Variants in CRIM1 observed in about 807,000 individuals in gnomAD.
The protein encoded by CRIM1 is cysteine-rich motor neuron 1 protein.
In CRIM1, 32 loss-of-function variants were observed where a neutral mutation model predicts 116.4. The observed-to-expected ratio is 0.27, with a 90% confidence interval of 0.21 to 0.37. CRIM1 has a LOEUF of 0.37. Among genes scored for constraint, CRIM1 ranks in the 10% least tolerant of loss-of-function variants. The pLI is 1.00. For synonymous variants in CRIM1, 590 were observed against 509.2 expected (o/e 1.16, Z -2.13); for missense variants, 1,331 against 1,354.8 (o/e 0.98, Z 0.28).
chr2:36,405,275 T>C (rs1251726369), intron 2 of CRIM1, among the ~76,000 whole-genome samples: 1 of 152,184 alleles, frequency 6.6e-6, no homozygotes, highest in Non-Finnish European at 1.5e-5. Flanking sequence ...GCCTTTGAAA[T>C]AGTGCAACAG....
rs749222285 is a variant in CRIM1 at position 36,517,486 on chromosome 2, C to T, written c.2150C>T (p.Pro717Leu). The T allele has an allele frequency of 5.0e-6, 8 of 1,614,166 alleles. No homozygotes were observed. Among genetic ancestry groups the T allele is most frequent in the East Asian group, 2.2e-5 (1 of 44,882 alleles). The change falls in exon 12 of 17, where the codon CCG becomes CTG. Residue 717 changes from proline to leucine, a missense_variant. Pro to Leu is a moderately conservative substitution (Grantham distance 98, BLOSUM62 -3). Transcript: ENST00000280527. The stretch of plus-strand genomic sequence containing the variant: ...CTGTGTGAGACAGAGGTGTGCCCAC[C>T]GCTGCTCTGCCAGAACCCCTCACGC... ...RVLCETEVCP[P>L]LLCQNPSRTQ...
intron 2 of CRIM1, among the ~76,000 whole-genome samples, chr2:36,432,332 AATTC>A: frequency 6.6e-6 from 1 of 152,290 alleles, no homozygotes; most frequent in East Asian, 1.9e-4. Flanking sequence ...TAAAAAAATA[AATTC>A]ATTGTTACAT....
At chr2:36,449,761 C>T (rs1438172235) in intron 4 of CRIM1, among the ~76,000 whole-genome samples, 3 of 151,972 alleles carry the variant, frequency 2.0e-5, no homozygotes, top group Non-Finnish European at 2.9e-5. Flanking sequence ...TAGGAAATTT[C>T]AGAGCTCAGA....
intron 8 of CRIM1, among the ~76,000 whole-genome samples, chr2:36,505,375 T>C (rs974431983): frequency 7.4e-5 from 11 of 149,604 alleles, no homozygotes; most frequent in African/African-American, 2.7e-4. Flanking sequence ...GTTCCTACCA[T>C]ATATTTCTGG....
Position 36,543,688 on chromosome 2 carries a change from ATTT to A in CRIM1, c.2624-676_2624-674del, listed in dbSNP as rs869081095. On this transcript the variant is annotated intron_variant, in intron 14 of 16. Transcript: ENST00000280527. Reference sequence around the variant, plus strand: ...TTTGTAGGAGCTGAGAAAAGTTCTGATTTTTTTTTTTTTTAAAAAGACCTGATA... The same window carrying A: ...TTTGTAGGAGCTGAGAAAAGTTCTGATTTTTTTTTTTAAAAAGACCTGATA... Among the ~76,000 whole-genome samples, 818 of 131,216 alleles carry A rather than the reference ATTT, an allele frequency of 6.2e-3. 11 individuals are homozygous for A. Among genetic ancestry groups the A allele is most frequent in the African/African-American group, 0.022 (771 of 34,596 alleles). 86.1% of individuals were successfully genotyped at this position (131,216 alleles called of 152,430 possible). A position where few individuals can be genotyped will look rare whatever the true frequency, so the allele number is the denominator to read the frequency against.
intron 7 of CRIM1, among the ~76,000 whole-genome samples, chr2:36,493,958 A>G (rs1054785206): frequency 8.5e-5 from 13 of 152,162 alleles, no homozygotes; most frequent in Admixed American, 3.3e-4. Context: ...CTGATCTACA[A>G]ACTTTATACC....
intron 1 of CRIM1, among the ~76,000 whole-genome samples, chr2:36,391,708 T>G (rs1259925782): frequency 6.6e-6 from 1 of 152,138 alleles, no homozygotes; most frequent in Non-Finnish European, 1.5e-5. Flanking sequence ...GAAGCCCTTT[T>G]TGGGTGGTAA....
At chr2:36,385,973 T>G (rs895285420) in intron 1 of CRIM1, among the ~76,000 whole-genome samples, 1 of 152,222 alleles carries the variant, frequency 6.6e-6, no homozygotes, top group Non-Finnish European at 1.5e-5. Context: ...CCTAGTATAA[T>G]GAAAAATGTA....
chr2:36,359,951 C>A (rs965176064), intron 1 of CRIM1, among the ~76,000 whole-genome samples: 2 of 152,112 alleles, frequency 1.3e-5, no homozygotes, highest in Non-Finnish European at 2.9e-5. Context: ...CTGCCTGCCT[C>A]CAGGAAAATC....
chr2:36,381,830 C>A (rs1395872338), intron 1 of CRIM1, among the ~76,000 whole-genome samples: 1 of 152,240 alleles, frequency 6.6e-6, no homozygotes, highest in Non-Finnish European at 1.5e-5. Flanking sequence ...GTAAAGCACA[C>A]CCCATTTGGA....
rs938946032 is a variant in CRIM1, at chr2:36,452,913, C to T, written c.869+10178C>T. Among the ~76,000 whole-genome samples the T allele has an allele frequency of 7.2e-5, 11 of 152,128 alleles. No homozygotes were observed. The East Asian group carries it at 1.5e-3, about 21-fold the overall frequency. ...GTAAAGTTGAAAGCGGAATCCACAG[C>T]GTGATAATATTGAAACTCAGAGGTC... On this transcript the variant is annotated intron_variant, in intron 4 of 16. Coordinates refer to ENST00000280527, the MANE Select transcript of CRIM1 (RefSeq NM_016441.3).
At chr2:36,540,924 T>C (rs963378776) in intron 14 of CRIM1, among the ~76,000 whole-genome samples, 1 of 152,236 alleles carries the variant, frequency 6.6e-6, no homozygotes, top group Non-Finnish European at 1.5e-5. Flanking sequence ...TCCTTGTTCA[T>C]CATTAGAGAT....
At chr2:36,477,124 C>G (rs186751295) in intron 6 of CRIM1, 53 bp downstream of exon 6, 8 of 1,387,616 alleles carry the variant, frequency 5.8e-6, no homozygotes, top group Admixed American at 5.0e-5. Flanking sequence ...GTATAGAGTT[C>G]TAAAATCAAA....
intron 4 of CRIM1, among the ~76,000 whole-genome samples, chr2:36,459,022 A>G (rs72865066): frequency 0.011 from 1,633 of 152,328 alleles, 24 homozygotes; most frequent in African/African-American, 0.038. Flanking sequence ...TAAGTGATCT[A>G]AAACAAGTAC....
At chr2:36,387,731 A>G (rs906765923) in intron 1 of CRIM1, among the ~76,000 whole-genome samples, 1 of 152,244 alleles carries the variant, frequency 6.6e-6, no homozygotes, top group Non-Finnish European at 1.5e-5. Context: ...AAGTGATTGA[A>G]AAAATAGACA....
intron 7 of CRIM1, among the ~76,000 whole-genome samples, chr2:36,488,324 C>A (rs1038767138): frequency 6.6e-6 from 1 of 152,140 alleles, no homozygotes; most frequent in African/African-American, 2.4e-5. Flanking sequence ...GTGGGTCTCC[C>A]CATCACAGGT....
intron 1 of CRIM1, among the ~76,000 whole-genome samples, chr2:36,394,554 G>A (rs1473574489): frequency 2.0e-5 from 3 of 151,812 alleles, no homozygotes; most frequent in African/African-American, 7.3e-5. Flanking sequence ...AGATAGGAAT[G>A]TACCTTTATG....
chr2:36,477,803 C>G (rs1239439525), intron 6 of CRIM1, among the ~76,000 whole-genome samples: 3 of 152,198 alleles, frequency 2.0e-5, no homozygotes, highest in Non-Finnish European at 4.4e-5. Context: ...TCCCTGCAAC[C>G]CACACATTTT....
chr2:36,539,553 C>T (rs578099265), intron 14 of CRIM1, among the ~76,000 whole-genome samples: 7 of 152,308 alleles, frequency 4.6e-5, no homozygotes, highest in African/African-American at 7.2e-5. Flanking sequence ...CTGGGTTGAA[C>T]ATAGACTGTG....
Sources: allele counts gnomAD v4.1 joint callset (sites outside exome capture counted in the v4.1 genomes callset), GRCh38; gene constraint gnomAD v4.1.1; transcripts MANE v1.5; gene names NCBI Gene and HGNC (gene_info 2026-07-23, HGNC 2026-07-21).